GSAP: variants seen among roughly 807,000 people sequenced by gnomAD.
GSAP encodes the protein gamma-secretase activating protein.
In GSAP, 118 loss-of-function variants were observed where a neutral mutation model predicts 131.7. The observed-to-expected ratio is 0.90, with a 90% CI of 0.77 to 1.04. The LOEUF (loss-of-function observed/expected upper bound fraction) is 1.04. Among genes scored for constraint, GSAP ranks in the 50% least tolerant of loss-of-function variants. GSAP has a pLI of 0.00. For missense variants in GSAP, 1,019 were observed against 1,013.2 expected (o/e 1.01, Z -0.08); for synonymous variants, 381 against 363.4 (o/e 1.05, Z -0.55).
intron 13 of GSAP, among the ~76,000 whole-genome samples, chr7:77,362,161 T>C (rs1174272094): frequency 1.3e-5 from 2 of 152,182 alleles, no homozygotes; most frequent in African/African-American, 4.8e-5. Context: ...TATACAGATA[T>C]AGAATGAACT....
intron 12 of GSAP, among the ~76,000 whole-genome samples, chr7:77,372,292 G>T (rs1796243813): frequency 6.6e-6 from 1 of 152,184 alleles, no homozygotes; most frequent in Admixed American, 6.5e-5. Context: ...TGTTGCACAT[G>T]TTAATGCAAG....
intron 5 of GSAP, among the ~76,000 whole-genome samples, chr7:77,395,583 T>C (rs1563111442): frequency 6.6e-6 from 1 of 152,044 alleles, no homozygotes; most frequent in South Asian, 2.1e-4. Flanking sequence ...CAGTATATCA[T>C]GGCAGGGGGA....
In GSAP at chr7:77,362,667, G is replaced by T. The variant is rs770459291; in HGVS notation, c.872-7C>A. 14 of 1,513,868 alleles carry T rather than the reference G, an allele frequency of 9.2e-6. No homozygotes were observed. The highest frequency in any genetic ancestry group is 1.7e-5 in the Admixed American group (1 of 59,362). The allele number at this position is 1,513,868 out of a possible 1,614,324, so 93.8% of individuals were successfully genotyped here. The stretch of plus-strand genomic sequence containing the variant: ...TAACATACACACAAACTTCCTAGAA[G>T]AAAAAGGATATTTAGTAGAGTTTAA... On this transcript the variant is annotated splice_region_variant and splice_polypyrimidine_tract_variant and intron_variant, in intron 12 of 30. Coordinates refer to ENST00000257626, the MANE Select transcript of GSAP (RefSeq NM_017439.4).
chr7:77,389,358 GAA>G (rs1277400447), intron 5 of GSAP, among the ~76,000 whole-genome samples: 1 of 149,728 alleles, frequency 6.7e-6, no homozygotes, highest in African/African-American at 2.5e-5. Flanking sequence ...TTAACATAGT[GAA>G]ATGCCGTCTC....
chr7:77,330,561 C>T, intron 19 of GSAP, 194 bp from the exon 20 acceptor site: 1 of 962,176 alleles, frequency 1.0e-6, no homozygotes, highest in Non-Finnish European at 1.3e-6. Flanking sequence ...TTACCCACTT[C>T]ATTTTCTGTC....
intron 3 of GSAP, among the ~76,000 whole-genome samples, chr7:77,402,397 AAAAAG>A (rs1410864934): frequency 1.6e-5 from 2 of 124,578 alleles, no homozygotes; most frequent in African/African-American, 6.7e-5. Context: ...AAAAAAAAGA[AAAAAG>A]AAAAAAAAAA....
intron 19 of GSAP, among the ~76,000 whole-genome samples, chr7:77,333,097 G>A (rs1358753426): frequency 6.6e-6 from 1 of 152,148 alleles, no homozygotes; most frequent in East Asian, 1.9e-4. Context: ...AACCCGGGAG[G>A]CGGAGGTTGC....
Position 77,320,968 on chromosome 7 carries a change from G to A in GSAP, c.1995-149C>T. 3 of 632,046 alleles carry A rather than the reference G, an allele frequency of 4.7e-6. No homozygotes were observed. In the South Asian group the frequency reaches 5.7e-5, roughly 12 times the overall value. 39.2% of individuals were successfully genotyped at this position (632,046 alleles called of 1,614,324 possible). A position where few individuals can be genotyped will look rare whatever the true frequency, so the allele number is the denominator to read the frequency against. On this transcript the variant is annotated intron_variant, in intron 25 of 30. Transcript: ENST00000257626. ...TAGAAAGCCCCATAAATATGAATGT[G>A]ACCATCGGCCTAATGCCTAGAATTT...
chr7:77,333,827 G>A (rs982407053), intron 19 of GSAP, among the ~76,000 whole-genome samples: 2 of 152,168 alleles, frequency 1.3e-5, no homozygotes, highest in Admixed American at 6.5e-5. Context: ...GAGGGGAGGG[G>A]AGGGGAAGGG....
At chr7:77,337,113 C>T (rs1790109850) in intron 19 of GSAP, among the ~76,000 whole-genome samples, 1 of 152,164 alleles carries the variant, frequency 6.6e-6, no homozygotes, top group South Asian at 2.1e-4. Flanking sequence ...TTTTGTGTTT[C>T]ACTAAGCAAT....
At chr7:77,372,450 T>G (rs1584554735) in intron 12 of GSAP, among the ~76,000 whole-genome samples, 1 of 152,214 alleles carries the variant, frequency 6.6e-6, no homozygotes, top group East Asian at 1.9e-4. Flanking sequence ...TAAAGTTTAT[T>G]GATTAATGTG....
At chr7:77,351,660 G>A (rs1332193856) in intron 18 of GSAP, 3 of 985,810 alleles carry the variant, frequency 3.0e-6, no homozygotes, top group Non-Finnish European at 3.6e-6. Context: ...CCCTGTGCGT[G>A]TCCACAATAG....
intron 19 of GSAP, chr7:77,331,775 CAG>C (rs1789190954): frequency 6.6e-6 from 1 of 151,792 alleles, no homozygotes; most frequent in Admixed American, 6.6e-5. Context: ...CCGGGGAAAA[CAG>C]GAATCAAATC....
At chr7:77,356,792 A>T (rs1463252467) in intron 14 of GSAP, among the ~76,000 whole-genome samples, 1 of 152,246 alleles carries the variant, frequency 6.6e-6, no homozygotes, top group African/African-American at 2.4e-5. Context: ...ATTATAAGTG[A>T]GCCAGCTAGA....
chr7:77,311,372 G>T lies in GSAP; in HGVS notation c.2551C>A (p.Leu851Ile). 6.2e-7 allele frequency: 1 copy of T among 1,603,762 alleles called. No homozygotes were observed. The highest frequency in any genetic ancestry group is 8.5e-7 in the Non-Finnish European group (1 of 1,170,702). Residue 851 changes from leucine to isoleucine, a missense_variant, in exon 31 of 31, where the codon CTT becomes ATT. Leu to Ile is a conservative substitution (Grantham distance 5). Transcript: ENST00000257626. ...CGTTTTCTTTTTCATAAGCCTAAAA[G>T]CATCGCGGTGTGTTTCAGAGCTGCT... Reference protein sequence around the residue: ...EEAALKHTAMLLGL With the variant: ...EEAALKHTAMILGL
intron 19 of GSAP, among the ~76,000 whole-genome samples, chr7:77,337,359 G>A (rs1002319808): frequency 6.6e-6 from 1 of 151,908 alleles, no homozygotes; most frequent in Non-Finnish European, 1.5e-5. Flanking sequence ...ATTCTCTGTA[G>A]AGACAAGGTT....
chr7:77,414,860 T>TTTTTTTTC, intron 1 of GSAP, among the ~76,000 whole-genome samples: 1 of 128,082 alleles, frequency 7.8e-6, no homozygotes, highest in Non-Finnish European at 1.6e-5. Context: ...TTTTTTTTTT[T>TTTTTTTTC]TTTTTTTTTT....
chr7:77,349,435 T>C lies in GSAP; in HGVS notation c.1492-31A>G, dbSNP rs1212413450. On this transcript the variant is annotated intron_variant, in intron 18 of 30. Transcript: ENST00000257626. ...GTGGGGAAAAACACACACACACAGC[T>C]GCTCAGTGTATGAACTACCACTAGC... 3 of 1,581,360 alleles carry C rather than the reference T, an allele frequency of 1.9e-6. No individual in the cohort carries two copies. In the African/African-American group the frequency reaches 4.0e-5, roughly 21 times the overall value.
In GSAP at chr7:77,353,010, A is replaced by G; in HGVS notation, c.1425T>C (p.Ser475=). 3 of 1,599,952 alleles carry G rather than the reference A, an allele frequency of 1.9e-6. No individual in the cohort carries two copies. Among genetic ancestry groups the G allele is most frequent in the Non-Finnish European group, 2.6e-6 (3 of 1,167,476 alleles). The change falls in exon 18 of 31, where the codon AGT becomes AGC. Residue 475 remains serine (S), a synonymous_variant. Transcript: ENST00000257626. ...CCATGTTACTTGTCTCTGAATATAC[A>G]CTCCAGTATGAAGAAGCTGAGTAGA... The part of the protein sequence containing the change: ...QEFIIASSYW[S]VYSETSNMDK...
Sources: gnomAD v4.1 joint callset for allele counts (sites outside exome capture counted in the v4.1 genomes callset) on GRCh38, gnomAD v4.1.1 for gene constraint, MANE v1.5 for transcripts, NCBI Gene and HGNC (gene_info 2026-07-23, HGNC 2026-07-21) for gene names.